FMN2: variants seen among roughly 807,000 people sequenced by gnomAD.
The protein encoded by FMN2 is formin 2.
A neutral mutation model predicts 142.3 loss-of-function variants in FMN2; 51 were observed. That is an observed-to-expected ratio of 0.36 (90% CI 0.29 to 0.45). FMN2 has a LOEUF of 0.45. FMN2 is among the 20% of genes least tolerant of loss of function. The pLI is 1.00. For synonymous variants in FMN2, 882 were observed against 869.8 expected (o/e 1.01, Z -0.25); for missense variants, 1,936 against 2,122.8 (o/e 0.91, Z 1.73).
intron 13 of FMN2, among the ~76,000 whole-genome samples, chr1:240,342,795 A>G (rs972356833): frequency 6.6e-6 from 1 of 152,202 alleles, no homozygotes; most frequent in African/African-American, 2.4e-5. Context: ...TAAAAAGTAG[A>G]TTCTTTCCTC....
chr1:240,327,050 G>A (rs1021574255), intron 8 of FMN2, among the ~76,000 whole-genome samples: 1 of 152,158 alleles, frequency 6.6e-6, no homozygotes, highest in Admixed American at 6.5e-5. Context: ...GGTAACTGAC[G>A]AATGAAGTAG....
At chr1:240,290,501 T>G (rs566682831) in intron 7 of FMN2, among the ~76,000 whole-genome samples, 1 of 152,338 alleles carries the variant, frequency 6.6e-6, no homozygotes, top group African/African-American at 2.4e-5. Context: ...ACATACACCT[T>G]AAAATTAATC....
At chr1:240,423,342 C>T (rs1040569144) in intron 15 of FMN2, among the ~76,000 whole-genome samples, 23 of 152,126 alleles carry the variant, frequency 1.5e-4, no homozygotes, top group South Asian at 4.1e-4. Context: ...GAAAATAGAT[C>T]TTCCTCTTGA....
At chr1:240,193,490 G>A (rs1340044656) in intron 4 of FMN2, among the ~76,000 whole-genome samples, 1 of 152,226 alleles carries the variant, frequency 6.6e-6, no homozygotes, top group Non-Finnish European at 1.5e-5. Flanking sequence ...GTGAAATTTA[G>A]ATCAAATCGT....
chr1:240,384,776 GT>G (rs1310894063), intron 14 of FMN2, among the ~76,000 whole-genome samples: 1 of 152,106 alleles, frequency 6.6e-6, no homozygotes, highest in Non-Finnish European at 1.5e-5. Flanking sequence ...TCTAAATCAA[GT>G]TTTTTAATTG....
chr1:240,396,877 C>A (rs923593082), intron 15 of FMN2, among the ~76,000 whole-genome samples: 2 of 152,114 alleles, frequency 1.3e-5, no homozygotes, highest in Admixed American at 6.6e-5. Context: ...GGGTTGATTC[C>A]ATGTCTTTGC....
intron 2 of FMN2, among the ~76,000 whole-genome samples, chr1:240,155,612 A>G (rs6666380): frequency 0.18 from 26,943 of 152,114 alleles, 2,570 homozygotes; most frequent in Middle Eastern, 0.27. Flanking sequence ...TGAGAGCCCA[A>G]AGTGATTGAG....
intron 8 of FMN2, among the ~76,000 whole-genome samples, chr1:240,300,495 A>G (rs932967120): frequency 3.9e-5 from 6 of 152,172 alleles, no homozygotes; most frequent in South Asian, 2.1e-4. Context: ...AAAAAATTCT[A>G]TGACAATCTT....
At chr1:240,124,731 T>C (rs1571953571) in intron 2 of FMN2, among the ~76,000 whole-genome samples, 1 of 152,078 alleles carries the variant, frequency 6.6e-6, no homozygotes, top group South Asian at 2.1e-4. Context: ...GCAGTGGCAC[T>C]ATCTTGACAC....
chr1:240,178,592 C>T (rs1665025205), intron 3 of FMN2, among the ~76,000 whole-genome samples: 1 of 152,032 alleles, frequency 6.6e-6, no homozygotes, highest in African/African-American at 2.4e-5. Context: ...CAGCCATACA[C>T]CACCACGTCC....
chr1:240,407,567 A>T (rs2103120198), intron 15 of FMN2, among the ~76,000 whole-genome samples: 1 of 152,346 alleles, frequency 6.6e-6, no homozygotes, highest in Admixed American at 6.5e-5. Context: ...TAGGAGATTA[A>T]TTAATTCTTC....
chr1:240,472,292 A>T, intron 16 of FMN2, 80 bp from the exon 17 acceptor site: 1 of 921,348 alleles, frequency 1.1e-6, no homozygotes. Flanking sequence ...TATTGAGTTG[A>T]GGTTTGCTCA....
chr1:240,343,315 C>G (rs1317008219), intron 13 of FMN2, among the ~76,000 whole-genome samples: 4 of 152,166 alleles, frequency 2.6e-5, no homozygotes, highest in Admixed American at 2.6e-4. Flanking sequence ...TTAATCCTCT[C>G]TTTAGTGATT....
At chr1:240,358,005 C>G (rs1030624700) in intron 14 of FMN2, among the ~76,000 whole-genome samples, 1 of 152,026 alleles carries the variant, frequency 6.6e-6, no homozygotes, top group Non-Finnish European at 1.5e-5. Flanking sequence ...AGGATACTAA[C>G]CTATATACTG....
chr1:240,340,437 C>A (rs561220063), intron 13 of FMN2, among the ~76,000 whole-genome samples: 2 of 151,942 alleles, frequency 1.3e-5, no homozygotes, highest in East Asian at 3.9e-4. Flanking sequence ...AAAAATGAAC[C>A]GGGCATGGTG....
At chr1:240,447,576 C>T (rs898838629) in intron 16 of FMN2, among the ~76,000 whole-genome samples, 1 of 152,324 alleles carries the variant, frequency 6.6e-6, no homozygotes, top group Non-Finnish European at 1.5e-5. Flanking sequence ...ACGGAACTCT[C>T]ATACTTTGCT....
At chr1:240,290,703 T>C (rs1669749593) in intron 7 of FMN2, among the ~76,000 whole-genome samples, 1 of 151,216 alleles carries the variant, frequency 6.6e-6, no homozygotes, top group Non-Finnish European at 1.5e-5. Context: ...CTACTCTCTA[T>C]CTAGACATTG....
At chr1:240,386,132 A>G (rs930463724) in intron 14 of FMN2, among the ~76,000 whole-genome samples, 1 of 152,194 alleles carries the variant, frequency 6.6e-6, no homozygotes, top group African/African-American at 2.4e-5. Context: ...GCACTGTGAC[A>G]TGTATGAACT....
At chr1:240,115,752 AAGAGGGAACC>A (rs992723755) in intron 1 of FMN2, among the ~76,000 whole-genome samples, 55 of 152,342 alleles carry the variant, frequency 3.6e-4, no homozygotes, top group African/African-American at 1.3e-3. Flanking sequence ...GAAGCAATTC[AAGAGGGAACC>A]ACAGAGCAAA....
Sources: gnomAD v4.1 joint callset for allele counts (sites outside exome capture counted in the v4.1 genomes callset) on GRCh38, gnomAD v4.1.1 for gene constraint, MANE v1.5 for transcripts, NCBI Gene and HGNC (gene_info 2026-07-23, HGNC 2026-07-21) for gene names.